Variants in EHD3 observed in about 807,000 individuals in gnomAD.
The protein encoded by EHD3 is EH domain containing 3.
Under a neutral mutation model 43.0 loss-of-function variants are expected in EHD3, and 17 were observed. The observed-to-expected ratio is 0.40, with a 90% CI of 0.27 to 0.59. The LOEUF (loss-of-function observed/expected upper bound fraction) is 0.59, where lower values mean the gene tolerates loss of function less well. EHD3 is among the 20% of genes least tolerant of loss of function. The probability of loss-of-function intolerance (pLI) is 0.49; values close to 1 mark genes in which losing one functional copy is unlikely to be tolerated. For missense variants in EHD3, 594 were observed against 705.6 expected, an observed-to-expected ratio of 0.84 and a Z score of 1.79; for synonymous variants, 313 against 289.5, an observed-to-expected ratio of 1.08 and a Z score of -0.82.
At chr2:31,249,524 A>C in intron 3 of EHD3, 56 bp downstream of exon 3, 1 of 1,516,738 alleles carries the variant, frequency 6.6e-7, no homozygotes, top group Non-Finnish European at 9.1e-7. Flanking sequence ...TGGCACGTTC[A>C]GTCTCTTACA....
rs778315422 is a variant in EHD3, at chr2:31,260,471, C to T, written c.503-39C>T. The T allele has an allele frequency of 4.5e-6, 7 of 1,558,272 alleles. No homozygotes were observed. In the Admixed American group the frequency reaches 9.0e-5, roughly 20 times the overall value. ...GCTTCTCCAAACCCCTACCCTATAC[C>T]CCAAAGGCCCCAGCCCCTGATTGTC... On this transcript the variant is annotated intron_variant, in intron 3 of 5. Coordinates refer to ENST00000322054, the MANE Select transcript of EHD3 (RefSeq NM_014600.3). This position sits in a 1 kb window ranked among gnomAD's most constrained non-coding sequence, Gnocchi z 4.6.
chr2:31,245,093 A>G (rs1683492912), intron 2 of EHD3, among the ~76,000 whole-genome samples: 1 of 152,214 alleles, frequency 6.6e-6, no homozygotes, highest in South Asian at 2.1e-4. Flanking sequence ...CCCTGCTCAC[A>G]CTTATTACAC....
chr2:31,262,454 G>C (rs957105431), intron 5 of EHD3, among the ~76,000 whole-genome samples: 1 of 152,148 alleles, frequency 6.6e-6, no homozygotes, highest in African/African-American at 2.4e-5. Flanking sequence ...CCTTATACAG[G>C]TGTTGTGAGC....
At chr2:31,241,933 T>C (rs1272365409) in intron 1 of EHD3, among the ~76,000 whole-genome samples, 1 of 152,198 alleles carries the variant, frequency 6.6e-6, no homozygotes, top group Non-Finnish European at 1.5e-5. Flanking sequence ...TCCTGCCCTC[T>C]CACTCTGATT....
chr2:31,266,004 C>A lies in EHD3; in HGVS notation c.1081-173C>A, dbSNP rs1195575285. Among the ~76,000 whole-genome samples, 1 of 152,208 alleles carries A rather than the reference C, an allele frequency of 6.6e-6. No individual in the cohort carries two copies. Among genetic ancestry groups the A allele is most frequent in the Non-Finnish European group, 1.5e-5 (1 of 68,040 alleles). On this transcript the variant is annotated intron_variant, in intron 5 of 5. Transcript: ENST00000322054. This position sits in a 1 kb window ranked among gnomAD's most constrained non-coding sequence, Gnocchi z 5.1. ...CAGTGGGCCTTTATTCCCCTCCTCTCTCATACCTTCGATTACCACGTGATG... is the reference window on the plus strand; with the variant it reads ...CAGTGGGCCTTTATTCCCCTCCTCTATCATACCTTCGATTACCACGTGATG...
chr2:31,249,619 G>A, intron 3 of EHD3, 151 bp downstream of exon 3: 4 of 693,674 alleles, frequency 5.8e-6, no homozygotes, highest in Admixed American at 5.2e-5. Flanking sequence ...TTTACCTGGG[G>A]CAGTCCTAGG....
intron 2 of EHD3, among the ~76,000 whole-genome samples, chr2:31,248,358 C>T (rs1683567524): frequency 6.6e-6 from 1 of 152,208 alleles, no homozygotes; most frequent in African/African-American, 2.4e-5. Flanking sequence ...CCCTCTGCCT[C>T]CAGGAAGCCA....
chr2:31,263,113 T>C (rs1017838208), intron 5 of EHD3, among the ~76,000 whole-genome samples: 3 of 152,192 alleles, frequency 2.0e-5, no homozygotes, highest in Non-Finnish European at 1.5e-5. Context: ...GAAAAAAATA[T>C]ACATTCCAAG....
rs1194096347 is a variant in EHD3 at position 31,234,480 on chromosome 2, C to G, written c.-142C>G. On this transcript the variant is annotated 5_prime_UTR_variant, in exon 1 of 6. Coordinates refer to ENST00000322054, the MANE Select transcript of EHD3 (RefSeq NM_014600.3). Reference sequence around the variant, plus strand: ...GCTCCCGGCCCTCCTAGCCGCGTGCCCGGGCCATGGTGCGGCTGAGCCCCG... The same window carrying G: ...GCTCCCGGCCCTCCTAGCCGCGTGCGCGGGCCATGGTGCGGCTGAGCCCCG... 1.1e-5 allele frequency: 10 copies of G among 913,720 alleles called. No individual in the cohort carries two copies. The highest frequency in any genetic ancestry group is 1.6e-5 in the Non-Finnish European group (10 of 615,618). The allele number at this position is 913,720 out of a possible 1,614,324, so 56.6% of individuals were successfully genotyped here.
chr2:31,260,756 TC>T lies in EHD3; in HGVS notation c.751del (p.Arg251GlyfsTer64). ...LGKIVNTPEV[I>X]RVYIGSFWSH... is the part of the protein sequence containing the mutation. ...AAGATCGTGAACACCCCAGAGGTGATCCGGGTCTACATCGGCTCCTTCTGGT... is the reference window on the plus strand; with the variant it reads ...AAGATCGTGAACACCCCAGAGGTGATCGGGTCTACATCGGCTCCTTCTGGT... On this transcript the variant is annotated frameshift_variant, in exon 4 of 6. Transcript: ENST00000322054. LOFTEE classifies it high-confidence loss of function. The surrounding 1 kb of genome is among the most constrained non-coding windows in gnomAD (Gnocchi z 4.6). 1 of 1,614,182 alleles carries T rather than the reference TC, an allele frequency of 6.2e-7. No individual in the cohort carries two copies.
Position 31,238,921 on chromosome 2 carries a change from G to A in EHD3, c.227+4073G>A, listed in dbSNP as rs76441598. Reference sequence around the variant, plus strand: ...AGAGCTAAGCTGCCCCGGGCTCCTTGGGGAGGCTGGGCTGGTCTGGAGGGT... The same window carrying A: ...AGAGCTAAGCTGCCCCGGGCTCCTTAGGGAGGCTGGGCTGGTCTGGAGGGT... On this transcript the variant is annotated intron_variant, in intron 1 of 5. Transcript: ENST00000322054. Among the ~76,000 whole-genome samples, 930 of 152,230 alleles carry A rather than the reference G, an allele frequency of 6.1e-3. 12 individuals carry two copies. The highest frequency in any genetic ancestry group is 0.021 in the African/African-American group (879 of 41,534).
intron 3 of EHD3, 84 bp downstream of exon 3, chr2:31,249,552 C>T: frequency 8.1e-7 from 1 of 1,237,652 alleles, no homozygotes; most frequent in East Asian, 2.4e-5. Flanking sequence ...AGAGAAGCAC[C>T]CAGGGCCATG....
At chr2:31,240,460 C>T (rs1016898407) in intron 1 of EHD3, among the ~76,000 whole-genome samples, 1 of 152,222 alleles carries the variant, frequency 6.6e-6, no homozygotes, top group Non-Finnish European at 1.5e-5. Context: ...GTAAGCCATA[C>T]CCAAATGTCC....
Position 31,266,788 on chromosome 2 carries a change from A to ATG in EHD3, c.*84_*85insTG, listed in dbSNP as rs1683961914. 5 of 1,400,066 alleles carry ATG rather than the reference A, an allele frequency of 3.6e-6. No individual in the cohort carries two copies. The East Asian group carries it at 9.3e-5, about 26-fold the overall frequency. 86.7% of individuals were successfully genotyped at this position (1,400,066 alleles called of 1,614,324 possible). Reference sequence around the variant, plus strand: ...CACACACACACACACACACACACACACACACAAACATGCACACACACATAT... The same window carrying ATG: ...CACACACACACACACACACACACACATGCACACAAACATGCACACACACATAT... On this transcript the variant is annotated 3_prime_UTR_variant, in exon 6 of 6. Transcript: ENST00000322054. This position sits in a 1 kb window ranked among gnomAD's most constrained non-coding sequence, Gnocchi z 5.1.
In EHD3 at chr2:31,244,351, A is replaced by T; in HGVS notation, c.305A>T (p.Gln102Leu). Residue 102 changes from glutamine (Q) to leucine (L), a missense_variant, in exon 2 of 6, where the codon CAG becomes CTG. Transcript: ENST00000322054. ...ACAGACTCCTTCATTGCGGTGATGCAGGGAGACATGGAGGGGATCATCCCT... is the reference window on the plus strand; with the variant it reads ...ACAGACTCCTTCATTGCGGTGATGCTGGGAGACATGGAGGGGATCATCCCT... Reference protein sequence around the residue: ...PTTDSFIAVMQGDMEGIIPGN... With the variant: ...PTTDSFIAVMLGDMEGIIPGN... 1.2e-6 allele frequency: 2 copies of T among 1,614,228 alleles called. No homozygotes were observed. Among genetic ancestry groups the T allele is most frequent in the Non-Finnish European group, 1.7e-6 (2 of 1,180,040 alleles).
At chr2:31,238,556 C>T (rs768410364) in intron 1 of EHD3, among the ~76,000 whole-genome samples, 3 of 152,256 alleles carry the variant, frequency 2.0e-5, no homozygotes, top group Non-Finnish European at 2.9e-5. Context: ...GGCGGCTGCC[C>T]TCTCCAACAC....
At chr2:31,242,928 C>G (rs544802202) in intron 1 of EHD3, among the ~76,000 whole-genome samples, 1 of 151,842 alleles carries the variant, frequency 6.6e-6, no homozygotes, top group South Asian at 2.1e-4. Context: ...CCATTGCACT[C>G]TAGCCTGGGC....
At chr2:31,240,802 C>A (rs1232787884) in intron 1 of EHD3, among the ~76,000 whole-genome samples, 2 of 152,182 alleles carry the variant, frequency 1.3e-5, no homozygotes, top group African/African-American at 4.8e-5. Flanking sequence ...CAGAATGGTT[C>A]TTTTCAGCCC....
chr2:31,265,521 A>G (rs151263090), intron 5 of EHD3, among the ~76,000 whole-genome samples: 11 of 152,334 alleles, frequency 7.2e-5, no homozygotes, highest in Non-Finnish European at 1.5e-4. Context: ...CTGTATTTTG[A>G]AAACTCTCCT....
Sources: allele counts gnomAD v4.1 joint callset (sites outside exome capture counted in the v4.1 genomes callset), GRCh38; gene constraint gnomAD v4.1.1; non-coding constraint Gnocchi (gnomAD v3.1); transcripts MANE v1.5; gene names NCBI Gene and HGNC (gene_info 2026-07-23, HGNC 2026-07-21).